Variants in PHF21A observed in about 807,000 individuals in gnomAD.
PHF21A encodes PHD finger protein 21A.
In PHF21A, 11 loss-of-function variants were observed where a neutral mutation model predicts 82.5. The ratio of observed to expected loss-of-function variants is 0.13; its 90% CI spans 0.08 to 0.22. The LOEUF is 0.22. Among genes scored for constraint, PHF21A ranks in the 10% least tolerant of loss-of-function variants. The pLI is 1.00. For synonymous variants in PHF21A, 297 were observed against 302.8 expected (o/e 0.98, Z 0.20); for missense variants, 579 against 837.8 (o/e 0.69, Z 3.81).
chr11:46,118,538 C>G (rs1395444827), intron 1 of PHF21A, among the ~76,000 whole-genome samples: 1 of 151,678 alleles, frequency 6.6e-6, no homozygotes, highest in Non-Finnish European at 1.5e-5. Context: ...CATCTACAAA[C>G]GTTTTAAGTA....
At chr11:45,953,697 A>C (rs1565230374) in intron 10 of PHF21A, 72 bp from the exon 11 acceptor site, 1 of 869,414 alleles carries the variant, frequency 1.2e-6, no homozygotes, top group East Asian at 2.6e-5. Context: ...CAGAAGTTTA[A>C]TAGTAGTAGT....
chr11:46,112,756 T>A (rs552057136), intron 1 of PHF21A, among the ~76,000 whole-genome samples: 31 of 150,882 alleles, frequency 2.1e-4, no homozygotes, highest in East Asian at 7.7e-4. Context: ...ATCCCCATTT[T>A]AAAAAAAAAG....
Position 46,022,613 on chromosome 11 carries a change from C to T in PHF21A, c.154-42647G>A, listed in dbSNP as rs1250455263. On this transcript the variant is annotated intron_variant, in intron 6 of 18. Transcript: ENST00000676320. ...AGCAGCTGGGACTACAGGCACATGCCACCATGCCAGTGTAGTTTAATATTT... is the reference window on the plus strand; with the variant it reads ...AGCAGCTGGGACTACAGGCACATGCTACCATGCCAGTGTAGTTTAATATTT... Among the ~76,000 whole-genome samples, 3 of 152,278 alleles carry T rather than the reference C, an allele frequency of 2.0e-5. No individual in the cohort carries two copies. The East Asian group carries it at 5.8e-4, about 29-fold the overall frequency.
chr11:46,042,893 G>A (rs1446330921), intron 6 of PHF21A, among the ~76,000 whole-genome samples: 1 of 152,062 alleles, frequency 6.6e-6, no homozygotes, highest in Non-Finnish European at 1.5e-5. Context: ...AGCCTCCAGA[G>A]TTGTAAGCAA....
intron 6 of PHF21A, among the ~76,000 whole-genome samples, chr11:46,009,485 T>C (rs908703121): frequency 2.0e-5 from 3 of 152,194 alleles, no homozygotes; most frequent in African/African-American, 7.2e-5. Flanking sequence ...CATCTAAACA[T>C]GTAACGATAA....
At chr11:46,050,979 C>T (rs529275654) in intron 6 of PHF21A, among the ~76,000 whole-genome samples, 29 of 152,268 alleles carry the variant, frequency 1.9e-4, no homozygotes, top group Admixed American at 4.6e-4. Flanking sequence ...ATAAATATAG[C>T]AGTCTCCGAG....
chr11:46,003,178 T>C (rs1310114159), intron 6 of PHF21A, among the ~76,000 whole-genome samples: 1 of 152,082 alleles, frequency 6.6e-6, no homozygotes, highest in African/African-American at 2.4e-5. Flanking sequence ...GATTATTTCT[T>C]GCTTTGAAAA....
intron 6 of PHF21A, among the ~76,000 whole-genome samples, chr11:45,986,084 A>AAACACACACACACACACAC (rs1555050364): frequency 2.3e-5 from 3 of 132,284 alleles, no homozygotes; most frequent in African/African-American, 8.3e-5. Context: ...CTTCCTTCAA[A>AAACACACACACACACACAC]ACACACACAC....
Position 45,978,796 on chromosome 11 carries a change from G to A in PHF21A, c.360+964C>T, listed in dbSNP as rs191709976. On this transcript the variant is annotated intron_variant, in intron 7 of 18. Transcript: ENST00000676320. ...CAAATACGCCCTTTTTGTGTATCTT[G>A]ATTGCCTCACGATTCTTAAATTGTA... Among the ~76,000 whole-genome samples the A allele has an allele frequency of 5.3e-5, 8 of 152,156 alleles. No individual in the cohort carries two copies. In the East Asian group the frequency reaches 9.7e-4, roughly 18 times the overall value.
rs2087816834 is a variant in PHF21A, at chr11:45,932,838, A to G, written c.*1130T>C. 1 of 152,546 alleles carries G rather than the reference A, an allele frequency of 6.6e-6. No homozygotes were observed. Among genetic ancestry groups the G allele is most frequent in the African/African-American group, 2.4e-5 (1 of 41,420 alleles). 9.4% of individuals were successfully genotyped at this position (152,546 alleles called of 1,614,324 possible). A position where few individuals can be genotyped will look rare whatever the true frequency, so the allele number is the denominator to read the frequency against. ...TCACTGACACTATGATTCCTACTCT[A>G]CCATGCAAGGTCTTGGCTACCCTTA... is the stretch of plus-strand genomic sequence containing the variant. On this transcript the variant is annotated 3_prime_UTR_variant, in exon 19 of 19. Coordinates refer to ENST00000676320, the MANE Select transcript of PHF21A (RefSeq NM_001352027.3). This position sits in a 1 kb window ranked among gnomAD's most constrained non-coding sequence, Gnocchi z 4.3.
rs1277093334 is a variant in PHF21A at position 45,936,790 on chromosome 11, C to T, written c.1609-221G>A. 5.9e-6 allele frequency: 3 copies of T among 510,328 alleles called. No individual in the cohort carries two copies. The African/African-American group carries it at 5.9e-5, about 10-fold the overall frequency. 31.6% of individuals were successfully genotyped at this position (510,328 alleles called of 1,614,324 possible). A position where few individuals can be genotyped will look rare whatever the true frequency, so the allele number is the denominator to read the frequency against. ...GGCAGGAAGAGCCAGGACACTTGAG[C>T]CCAGGCTTAGAAGGAGCTGGGACTT... On this transcript the variant is annotated intron_variant, in intron 16 of 18. Coordinates refer to ENST00000676320, the MANE Select transcript of PHF21A (RefSeq NM_001352027.3).
At chr11:45,998,668 A>G (rs1425943143) in intron 6 of PHF21A, among the ~76,000 whole-genome samples, 3 of 151,652 alleles carry the variant, frequency 2.0e-5, no homozygotes, top group African/African-American at 4.8e-5. Context: ...ATGCGCCACC[A>G]TGCCCAGCTA....
At chr11:45,939,302 A>G (rs755598735) in intron 15 of PHF21A, among the ~76,000 whole-genome samples, 13 of 152,234 alleles carry the variant, frequency 8.5e-5, no homozygotes, top group Non-Finnish European at 1.5e-4. Context: ...ACAATATGAT[A>G]CAAACAATTC....
intron 6 of PHF21A, among the ~76,000 whole-genome samples, chr11:46,042,116 C>T (rs1433375930): frequency 1.3e-5 from 2 of 152,118 alleles, no homozygotes; most frequent in Non-Finnish European, 2.9e-5. Flanking sequence ...TCCCCAGAAG[C>T]ACCAGTTCAA....
chr11:46,076,706 C>T (rs751189182), intron 6 of PHF21A, 48 bp downstream of exon 6: 11 of 1,473,490 alleles, frequency 7.5e-6, no homozygotes, highest in Non-Finnish European at 9.5e-7. Flanking sequence ...GCAGACATAT[C>T]TTTAGAACAC....
chr11:46,074,391 A>C (rs1211659209), intron 6 of PHF21A, among the ~76,000 whole-genome samples: 1 of 151,598 alleles, frequency 6.6e-6, no homozygotes, highest in African/African-American at 2.4e-5. Flanking sequence ...AAGGTAATTC[A>C]GATTTTAGTT....
chr11:46,061,642 T>C (rs1376012292), intron 6 of PHF21A, among the ~76,000 whole-genome samples: 1 of 152,204 alleles, frequency 6.6e-6, no homozygotes, highest in African/African-American at 2.4e-5. Context: ...GTATGATATA[T>C]TGGTCCACTT....
chr11:46,048,393 A>G (rs1443955076), intron 6 of PHF21A, among the ~76,000 whole-genome samples: 1 of 152,072 alleles, frequency 6.6e-6, no homozygotes, highest in African/African-American at 2.4e-5. Context: ...GATATACCAC[A>G]CTTTATTTAA....
chr11:46,115,210 G>T (rs558474848), intron 1 of PHF21A, among the ~76,000 whole-genome samples: 1 of 152,214 alleles, frequency 6.6e-6, no homozygotes, highest in East Asian at 1.9e-4. Flanking sequence ...CAAGTCTAGT[G>T]TAAGAAAGTT....
Sources: allele counts gnomAD v4.1 joint callset (sites outside exome capture counted in the v4.1 genomes callset), GRCh38; gene constraint gnomAD v4.1.1; non-coding constraint Gnocchi (gnomAD v3.1); transcripts MANE v1.5; gene names NCBI Gene and HGNC (gene_info 2026-07-23, HGNC 2026-07-21).